GALNT2: variants seen among roughly 807,000 people sequenced by gnomAD.
GALNT2 encodes the protein polypeptide N-acetylgalactosaminyltransferase 2.
GALNT2 carries 31 observed loss-of-function variants against 81.4 expected under a neutral mutation model. The ratio of observed to expected loss-of-function variants is 0.38; its 90% CI spans 0.29 to 0.51. GALNT2 has a LOEUF of 0.51. GALNT2 is among the 20% of genes least tolerant of loss of function. GALNT2 has a pLI of 0.87. For missense variants in GALNT2, 629 were observed against 765.7 expected (o/e 0.82, Z 2.11); for synonymous variants, 303 against 287.4 (o/e 1.05, Z -0.55).
At chr1:230,178,124 T>A in intron 1 of GALNT2, 94 bp from the exon 2 acceptor site, 1 of 940,856 alleles carries the variant, frequency 1.1e-6, no homozygotes, top group Non-Finnish European at 1.6e-6. Flanking sequence ...CAGGGCCAAG[T>A]GTTAACTCTC....
At chr1:230,261,420 A>G (rs1263610222) in intron 11 of GALNT2, among the ~76,000 whole-genome samples, 3 of 152,152 alleles carry the variant, frequency 2.0e-5, no homozygotes, top group African/African-American at 7.2e-5. Flanking sequence ...TCCTTACTGT[A>G]TTTATTTTGG....
chr1:230,076,280 A>G (rs989050834), intron 1 of GALNT2, among the ~76,000 whole-genome samples: 1 of 152,230 alleles, frequency 6.6e-6, no homozygotes, highest in African/African-American at 2.4e-5. Flanking sequence ...TGAAGCACCA[A>G]GCATCGGGTA....
At chr1:230,191,948 A>G (rs565172274) in intron 2 of GALNT2, among the ~76,000 whole-genome samples, 2 of 152,344 alleles carry the variant, frequency 1.3e-5, no homozygotes, top group East Asian at 1.9e-4. Flanking sequence ...TAGGGACTGT[A>G]ATGGAAAGAT....
chr1:230,243,945 G>A lies in GALNT2; in HGVS notation c.729+518G>A, dbSNP rs1175902586. The stretch of plus-strand genomic sequence containing the variant: ...CTAGGAAGCATACAGGGACCGGTGG[G>A]GTTGTCAGAGGGTGATCCGCGGCTC... On this transcript the variant is annotated intron_variant, in intron 7 of 15. Transcript: ENST00000366672. This position sits in a 1 kb window ranked among gnomAD's most constrained non-coding sequence, Gnocchi z 4.2. 6.6e-6 allele frequency among the ~76,000 whole-genome samples: 1 copy of A among 151,998 alleles called. No individual in the cohort carries two copies. The highest frequency in any genetic ancestry group is 2.4e-5 in the African/African-American group (1 of 41,390).
intron 1 of GALNT2, among the ~76,000 whole-genome samples, chr1:230,109,194 C>G (rs1660629811): frequency 6.6e-6 from 1 of 152,234 alleles, no homozygotes; most frequent in African/African-American, 2.4e-5. Context: ...GGAGCTGCGG[C>G]TGCGGACCCC....
At chr1:230,083,471 G>A (rs1659809479) in intron 1 of GALNT2, among the ~76,000 whole-genome samples, 2 of 151,992 alleles carry the variant, frequency 1.3e-5, no homozygotes, top group Non-Finnish European at 2.9e-5. Context: ...CAGACAGTTG[G>A]GATGATGGAG....
At chr1:230,204,742 CT>C (rs1664008787) in intron 3 of GALNT2, among the ~76,000 whole-genome samples, 2 of 152,112 alleles carry the variant, frequency 1.3e-5, no homozygotes, top group Non-Finnish European at 2.9e-5. Context: ...TTCCTGGGTG[CT>C]TGGTATATCT....
In GALNT2 at chr1:230,281,075, A is replaced by C. The variant is rs201107097; in HGVS notation, c.*1617A>C. 6.6e-6 allele frequency: 1 copy of C among 152,280 alleles called. No homozygotes were observed. Among genetic ancestry groups the C allele is most frequent in the Admixed American group, 6.5e-5 (1 of 15,272 alleles). 9.4% of individuals were successfully genotyped at this position (152,280 alleles called of 1,614,324 possible). The stretch of plus-strand genomic sequence containing the variant: ...AAAAGCGTCAGTTAGGCACACCTGC[A>C]GGCCCCTCGGTGGGACAGCGGCGGC... On this transcript the variant is annotated 3_prime_UTR_variant, in exon 16 of 16. Coordinates refer to ENST00000366672, the MANE Select transcript of GALNT2 (RefSeq NM_004481.5).
chr1:230,139,716 G>A (rs564909047), intron 1 of GALNT2, among the ~76,000 whole-genome samples: 3 of 152,344 alleles, frequency 2.0e-5, no homozygotes, highest in South Asian at 2.1e-4. Context: ...CACTGCGAGC[G>A]TAATAATTTG....
At chr1:230,091,742 C>T (rs1053040113) in intron 1 of GALNT2, 1 of 152,260 alleles carries the variant, frequency 6.6e-6, no homozygotes, top group Non-Finnish European at 1.5e-5. Context: ...TCCTGTTGCC[C>T]CAGCTGTAGC....
At chr1:230,154,983 G>T (rs373218866) in intron 1 of GALNT2, among the ~76,000 whole-genome samples, 1 of 152,296 alleles carries the variant, frequency 6.6e-6, no homozygotes, top group East Asian at 1.9e-4. Context: ...TTACGTACTA[G>T]CACTTAAAAA....
intron 1 of GALNT2, among the ~76,000 whole-genome samples, chr1:230,096,446 C>T (rs984390216): frequency 6.6e-6 from 1 of 152,166 alleles, no homozygotes; most frequent in Non-Finnish European, 1.5e-5. Context: ...CCAGAGGTGT[C>T]TGCGTCTCCC....
At chr1:230,195,791 G>A (rs77166026) in intron 2 of GALNT2, among the ~76,000 whole-genome samples, 27,947 of 151,986 alleles carry the variant, frequency 0.18, 3,127 homozygotes, top group African/African-American at 0.31. Flanking sequence ...AGGAGGGAGC[G>A]CTGGGGAGGC....
upstream of GALNT2, among the ~76,000 whole-genome samples, chr1:230,063,795 T>C (rs1659104284): frequency 6.6e-6 from 1 of 152,248 alleles, no homozygotes. Context: ...TACTCTGTTT[T>C]GTTTGATATC....
chr1:230,150,755 G>A (rs1407287998), intron 1 of GALNT2, among the ~76,000 whole-genome samples: 3 of 152,220 alleles, frequency 2.0e-5, no homozygotes, highest in Admixed American at 1.3e-4. Flanking sequence ...GATGGCGGGA[G>A]GCACAGACAC....
intron 1 of GALNT2, among the ~76,000 whole-genome samples, chr1:230,110,714 G>GGGTTT (rs1660674394): frequency 1.5e-5 from 2 of 137,658 alleles, no homozygotes; most frequent in Non-Finnish European, 3.1e-5. Context: ...GTGCTTTTCT[G>GGGTTT]TTTTTTTTTT....
rs760263668 is a variant in GALNT2, at chr1:230,255,300, G to A, written c.1092G>A (p.Gln364=). ...CSRVGHVFRK[Q]HPYTFPGGSG... ...GTGTGGGACACGTGTTCCGGAAGCAGCACCCCTACACGTTCCCGGGTGGCA... is the reference window on the plus strand; with the variant it reads ...GTGTGGGACACGTGTTCCGGAAGCAACACCCCTACACGTTCCCGGGTGGCA... The change falls in exon 11 of 16, where the codon CAG becomes CAA. Residue 364 remains glutamine, a synonymous_variant. Coordinates refer to ENST00000366672, the MANE Select transcript of GALNT2 (RefSeq NM_004481.5). 14 of 1,614,118 alleles carry A rather than the reference G, an allele frequency of 8.7e-6. No homozygotes were observed. The East Asian group carries it at 2.7e-4, about 31-fold the overall frequency.
At chr1:230,099,706 C>G (rs532501583) in intron 1 of GALNT2, among the ~76,000 whole-genome samples, 1 of 152,224 alleles carries the variant, frequency 6.6e-6, no homozygotes, top group East Asian at 1.9e-4. Flanking sequence ...AGGTGTCTGC[C>G]TTCTTCCTAG....
intron 3 of GALNT2, among the ~76,000 whole-genome samples, chr1:230,235,694 AGAG>A (rs564167410): frequency 6.6e-6 from 1 of 152,292 alleles, no homozygotes; most frequent in African/African-American, 2.4e-5. Context: ...GCGCATCTCT[AGAG>A]GTGTATCTGC....
Sources: gnomAD v4.1 joint callset for allele counts (sites outside exome capture counted in the v4.1 genomes callset) on GRCh38, gnomAD v4.1.1 for gene constraint, Gnocchi (gnomAD v3.1) non-coding constraint, MANE v1.5 for transcripts, NCBI Gene and HGNC (gene_info 2026-07-23, HGNC 2026-07-21) for gene names.